The following CXXC5 variants were observed in gnomAD, a reference collection of about 807,000 sequenced individuals.
CXXC5 encodes the protein CXXC-type zinc finger protein 5.
Under a neutral mutation model 17.6 loss-of-function variants are expected in CXXC5, and 2 were observed. The observed-to-expected ratio is 0.11, with a 90% CI of 0.05 to 0.36. The LOEUF (loss-of-function observed/expected upper bound fraction) is 0.36, where lower values mean the gene tolerates loss of function less well. CXXC5 is among the 10% of genes least tolerant of loss of function. CXXC5 has a pLI of 1.00. For missense variants in CXXC5, 343 were observed against 458.3 expected, an observed-to-expected ratio of 0.75 and a Z score of 2.30; for synonymous variants, 171 against 193.0, an observed-to-expected ratio of 0.89 and a Z score of 0.94.
At chr5:139,648,333 C>G (rs1038751698), upstream of CXXC5, 2 of 156,780 alleles carry the variant, frequency 1.3e-5, no homozygotes, top group African/African-American at 2.4e-5. Flanking sequence ...AGCTCCTGCC[C>G]GGGCGGGCGC....
chr5:139,655,662 G>A (rs992890796), intron 1 of CXXC5, among the ~76,000 whole-genome samples: 1 of 151,558 alleles, frequency 6.6e-6, no homozygotes, highest in Non-Finnish European at 1.5e-5. Context: ...TCCCTCTTTT[G>A]TTGGCCTCCT....
At chr5:139,666,945 A>G (rs1375605709) in intron 1 of CXXC5, among the ~76,000 whole-genome samples, 1 of 152,166 alleles carries the variant, frequency 6.6e-6, no homozygotes, top group Non-Finnish European at 1.5e-5. Flanking sequence ...CCCTGCTCCA[A>G]CGGAGTCAGC....
In CXXC5 at chr5:139,683,433, G is replaced by A. The variant is rs1757370458; in HGVS notation, c.*526G>A. On this transcript the variant is annotated 3_prime_UTR_variant, in exon 3 of 3. Transcript: ENST00000302517. Reference sequence around the variant, plus strand: ...CACTCACGTTCATAAAGAGAATGTTGATGGCGCCGTGTAGAAGCCGCTCTG... The same window carrying A: ...CACTCACGTTCATAAAGAGAATGTTAATGGCGCCGTGTAGAAGCCGCTCTG... 6.6e-6 allele frequency: 1 copy of A among 152,450 alleles called. No homozygotes were observed. The highest frequency in any genetic ancestry group is 2.4e-5 in the African/African-American group (1 of 41,440). The allele number at this position is 152,450 out of a possible 1,614,324, so 9.4% of individuals were successfully genotyped here. A position where few individuals can be genotyped will look rare whatever the true frequency, so the allele number is the denominator to read the frequency against.
At chr5:139,679,622 CTCAG>C (rs1757065671) in intron 1 of CXXC5, 1 of 152,194 alleles carries the variant, frequency 6.6e-6, no homozygotes, top group Non-Finnish European at 1.5e-5. Flanking sequence ...CACTCTTCTC[CTCAG>C]ATGGAGAAGG....
intron 1 of CXXC5, among the ~76,000 whole-genome samples, chr5:139,653,798 G>A (rs1404889640): frequency 1.3e-5 from 2 of 151,996 alleles, no homozygotes; most frequent in Middle Eastern, 3.2e-3. Context: ...CAATTAGATC[G>A]CAAATTCTTC....
chr5:139,670,956 C>T lies in CXXC5; in HGVS notation c.-160-9408C>T, dbSNP rs969494585. Among the ~76,000 whole-genome samples the T allele has an allele frequency of 2.0e-4, 30 of 152,366 alleles. No homozygotes were observed. The highest frequency in any genetic ancestry group is 7.0e-4 in the African/African-American group (29 of 41,578). ...TGTATGCATTGCTCTCGTCACCATACACACTCCAGCCCCCTGAGCCCGCTC... is the reference window on the plus strand; with the variant it reads ...TGTATGCATTGCTCTCGTCACCATATACACTCCAGCCCCCTGAGCCCGCTC... On this transcript the variant is annotated intron_variant, in intron 1 of 2. Transcript: ENST00000302517. This position sits in a 1 kb window ranked among gnomAD's most constrained non-coding sequence, Gnocchi z 4.2.
chr5:139,672,149 C>T (rs1414838026), intron 1 of CXXC5, among the ~76,000 whole-genome samples: 2 of 151,996 alleles, frequency 1.3e-5, no homozygotes, highest in African/African-American at 2.4e-5. Flanking sequence ...TGGAGTTTTG[C>T]TCTTGTTGCC....
At chr5:139,678,017 G>A (rs1756954447) in intron 1 of CXXC5, among the ~76,000 whole-genome samples, 1 of 152,258 alleles carries the variant, frequency 6.6e-6, no homozygotes, top group Non-Finnish European at 1.5e-5. Flanking sequence ...CGCAGAGGCG[G>A]GGGACGCACA....
intron 1 of CXXC5, among the ~76,000 whole-genome samples, chr5:139,665,163 C>T (rs1756034003): frequency 6.6e-6 from 1 of 152,282 alleles, no homozygotes; most frequent in South Asian, 2.1e-4. Context: ...GGAGTGCCAG[C>T]CAGCTCCTCG....
intron 1 of CXXC5, among the ~76,000 whole-genome samples, chr5:139,673,722 A>G (rs1047296107): frequency 6.6e-6 from 1 of 151,976 alleles, no homozygotes; most frequent in Admixed American, 6.6e-5. Flanking sequence ...TGCGCCTGTA[A>G]TCCCAGCCAC....
Position 139,648,480 on chromosome 5 carries a change from C to G in CXXC5, c.-526C>G, listed in dbSNP as rs974899797. On this transcript the variant is annotated 5_prime_UTR_variant, in exon 1 of 3. Transcript: ENST00000302517. ...GAGCCTTATCCCCTGAAGCCGGGCC[C>G]CGCGTCCCAGCCCTGCCCAGCCCGC... is the stretch of plus-strand genomic sequence containing the variant. 2.6e-5 allele frequency: 4 copies of G among 152,800 alleles called. No homozygotes were observed. In the South Asian group the frequency reaches 7.8e-4, roughly 30 times the overall value. The allele number at this position is 152,800 out of a possible 1,614,324, so 9.5% of individuals were successfully genotyped here.
At chr5:139,648,135 G>T (rs1220201222), upstream of CXXC5, 3 of 151,298 alleles carry the variant, frequency 2.0e-5, no homozygotes, top group Non-Finnish European at 4.4e-5. Context: ...ACCGCGTCAG[G>T]GCGCGGGGAG....
chr5:139,675,642 C>T (rs1756740743), intron 1 of CXXC5: 2 of 152,216 alleles, frequency 1.3e-5, no homozygotes, highest in Non-Finnish European at 2.9e-5. Context: ...GTGACTAACA[C>T]TTGGGCTCTG....
chr5:139,678,497 T>C (rs559198896), intron 1 of CXXC5, among the ~76,000 whole-genome samples: 1 of 152,232 alleles, frequency 6.6e-6, no homozygotes, highest in East Asian at 1.9e-4. Context: ...GAGCCCTAGG[T>C]GGTCTGGTGC....
chr5:139,673,070 G>C (rs755511618), intron 1 of CXXC5, among the ~76,000 whole-genome samples: 12 of 152,152 alleles, frequency 7.9e-5, no homozygotes, highest in Non-Finnish European at 1.6e-4. Context: ...TCAGCTCAGA[G>C]ATCACCACAT....
chr5:139,665,837 G>A (rs1756080463), intron 1 of CXXC5: 1 of 152,258 alleles, frequency 6.6e-6, no homozygotes, highest in Non-Finnish European at 1.5e-5. Context: ...GGGCAGACCA[G>A]TGTCCTGGCC....
chr5:139,674,790 G>C (rs1004933218), intron 1 of CXXC5, among the ~76,000 whole-genome samples: 6 of 152,180 alleles, frequency 3.9e-5, no homozygotes, highest in African/African-American at 1.4e-4. Flanking sequence ...CCAGGTGAGA[G>C]GATTGCTTGA....
intron 1 of CXXC5, among the ~76,000 whole-genome samples, chr5:139,662,413 G>C (rs1435629432): frequency 6.6e-6 from 1 of 152,030 alleles, no homozygotes; most frequent in East Asian, 1.9e-4. Context: ...CAGAAATAAG[G>C]ATATACCCCT....
intron 1 of CXXC5, among the ~76,000 whole-genome samples, chr5:139,672,069 G>A (rs997062139): frequency 5.3e-5 from 8 of 152,188 alleles, no homozygotes; most frequent in African/African-American, 1.9e-4. Context: ...GACAGTGAGT[G>A]TGCATTATTA....
Sources: gnomAD v4.1 joint callset for allele counts (sites outside exome capture counted in the v4.1 genomes callset) on GRCh38, gnomAD v4.1.1 for gene constraint, Gnocchi (gnomAD v3.1) non-coding constraint, MANE v1.5 for transcripts, NCBI Gene and HGNC (gene_info 2026-07-23, HGNC 2026-07-21) for gene names.